Variants in LNX1 observed in about 807,000 individuals in gnomAD.
The protein encoded by LNX1 is E3 ubiquitin-protein ligase LNX.
In LNX1, 54 loss-of-function variants were observed where a neutral mutation model predicts 68.4. The observed-to-expected ratio is 0.79, with a 90% CI of 0.63 to 0.99. The LOEUF is 0.99. LNX1 is among the 50% of genes least tolerant of loss of function. The pLI is 0.00. For synonymous variants in LNX1, 336 were observed against 350.0 expected, an observed-to-expected ratio of 0.96 and a Z score of 0.45; for missense variants, 906 against 926.4, an observed-to-expected ratio of 0.98 and a Z score of 0.29.
At chr4:53,557,759 G>A in intron 2 of LNX1, 1 of 1,221,492 alleles carries the variant, frequency 8.2e-7, no homozygotes, top group Non-Finnish European at 1.1e-6. Context: ...TTGTCCAAGT[G>A]CATCTAGTAT....
At chr4:53,529,351 A>T (rs1727862615) in intron 2 of LNX1, among the ~76,000 whole-genome samples, 1 of 152,158 alleles carries the variant, frequency 6.6e-6, no homozygotes, top group Non-Finnish European at 1.5e-5. Context: ...GAGACAAGGT[A>T]CTTCTAATTT....
chr4:53,650,992 A>G (rs539981373), intron 1 of LNX1, among the ~76,000 whole-genome samples: 2 of 152,338 alleles, frequency 1.3e-5, no homozygotes, highest in Admixed American at 1.3e-4. Flanking sequence ...AGACAACGCT[A>G]TGAGGGATGT....
intron 2 of LNX1, among the ~76,000 whole-genome samples, chr4:53,513,864 AG>A (rs1345057441): frequency 6.6e-6 from 1 of 152,294 alleles, no homozygotes; most frequent in African/African-American, 2.4e-5. Context: ...CTAAAGCATA[AG>A]GTCCTTACAA....
chr4:53,623,616 A>C (rs1222134896), intron 1 of LNX1, among the ~76,000 whole-genome samples: 2 of 152,000 alleles, frequency 1.3e-5, no homozygotes, highest in African/African-American at 4.8e-5. Flanking sequence ...CAAGAGTGTT[A>C]TGATGGTATA....
intron 2 of LNX1, among the ~76,000 whole-genome samples, chr4:53,535,291 C>T (rs1384117585): frequency 6.6e-6 from 1 of 152,160 alleles, no homozygotes; most frequent in African/African-American, 2.4e-5. Flanking sequence ...TAAGCCATGA[C>T]TCTTTTAGTC....
chr4:53,564,955 G>A (rs1206234046), intron 2 of LNX1, among the ~76,000 whole-genome samples: 2 of 152,158 alleles, frequency 1.3e-5, no homozygotes, highest in East Asian at 1.9e-4. Context: ...TTAAAAAATG[G>A]CGCACCACGA....
chr4:53,636,501 TA>T (rs1214879842), intron 1 of LNX1, among the ~76,000 whole-genome samples: 1 of 152,102 alleles, frequency 6.6e-6, no homozygotes, highest in Non-Finnish European at 1.5e-5. Context: ...TGAGTGACCT[TA>T]AGCAAATCAT....
chr4:53,518,072 G>A (rs538077828), intron 2 of LNX1, among the ~76,000 whole-genome samples: 2 of 152,268 alleles, frequency 1.3e-5, no homozygotes, highest in Admixed American at 1.3e-4. Flanking sequence ...ACACCAGACA[G>A]GAAAAATTCA....
At chr4:53,562,847 A>G (rs1185133037) in intron 2 of LNX1, among the ~76,000 whole-genome samples, 1 of 152,204 alleles carries the variant, frequency 6.6e-6, no homozygotes, top group African/African-American at 2.4e-5. Context: ...GCCATTTCAC[A>G]ATATATACAT....
chr4:53,477,228 TGAAG>T (rs779321502), intron 8 of LNX1, among the ~76,000 whole-genome samples: 26 of 152,252 alleles, frequency 1.7e-4, no homozygotes, highest in Admixed American at 2.6e-4. Flanking sequence ...AGAATACCGC[TGAAG>T]GAAGGAAGGA....
intron 2 of LNX1, among the ~76,000 whole-genome samples, chr4:53,563,908 T>A (rs1265942155): frequency 6.6e-6 from 1 of 152,218 alleles, no homozygotes. Flanking sequence ...ATATCAGGCA[T>A]ATGGTGACTA....
At chr4:53,530,461 G>C (rs1284075196) in intron 2 of LNX1, among the ~76,000 whole-genome samples, 1 of 152,088 alleles carries the variant, frequency 6.6e-6, no homozygotes, top group Non-Finnish European at 1.5e-5. Context: ...AGAATACTGA[G>C]ATTATATTTT....
At chr4:53,575,694 T>C (rs1393230413) in intron 1 of LNX1, 3 of 1,396,774 alleles carry the variant, frequency 2.1e-6, no homozygotes, top group East Asian at 2.5e-5. Flanking sequence ...GGCTGGCTAA[T>C]CAAGGAGGAA....
intron 2 of LNX1, among the ~76,000 whole-genome samples, chr4:53,551,993 C>T (rs1282479250): frequency 6.6e-6 from 1 of 152,128 alleles, no homozygotes; most frequent in Admixed American, 6.5e-5. Context: ...TAAGCTATCC[C>T]CACTTAGTAC....
At chr4:53,523,174 C>T (rs1158020254) in intron 2 of LNX1, 1 of 152,214 alleles carries the variant, frequency 6.6e-6, no homozygotes, top group Non-Finnish European at 1.5e-5. Context: ...TCCAAGAAGA[C>T]ACCAACCTAG....
intron 2 of LNX1, among the ~76,000 whole-genome samples, chr4:53,522,787 G>A (rs1342378346): frequency 6.6e-6 from 1 of 152,060 alleles, no homozygotes; most frequent in Admixed American, 6.6e-5. Flanking sequence ...ACAGAGCAGG[G>A]CCCTGTCTCA....
chr4:53,631,278 C>T (rs1734259463), intron 1 of LNX1, among the ~76,000 whole-genome samples: 1 of 152,092 alleles, frequency 6.6e-6, no homozygotes, highest in African/African-American at 2.4e-5. Context: ...TAATTCTGGG[C>T]TTAATTTCAG....
chr4:53,592,292 G>A (rs1311866181), upstream of LNX1, among the ~76,000 whole-genome samples: 3 of 152,116 alleles, frequency 2.0e-5, no homozygotes, highest in Non-Finnish European at 4.4e-5. Flanking sequence ...GGAAAGAGAC[G>A]TCAGAGTTAT....
chr4:53,510,318 C>A (rs1307520785), intron 2 of LNX1, among the ~76,000 whole-genome samples: 1 of 152,176 alleles, frequency 6.6e-6, no homozygotes, highest in Admixed American at 6.5e-5. Context: ...ATGTCATCTT[C>A]TTTGCTGTTA....
Sources: allele counts gnomAD v4.1 joint callset (sites outside exome capture counted in the v4.1 genomes callset), GRCh38; gene constraint gnomAD v4.1.1; transcripts MANE v1.5; gene names NCBI Gene and HGNC (gene_info 2026-07-23, HGNC 2026-07-21).